Variants in LTBP1 observed in about 807,000 individuals in gnomAD.
LTBP1 encodes latent-transforming growth factor beta-binding protein 1.
Under a neutral mutation model 207.6 loss-of-function variants are expected in LTBP1, and 129 were observed. The observed-to-expected ratio is 0.62, with a 90% confidence interval of 0.54 to 0.72. The LOEUF is 0.72. LTBP1 is among the 30% of genes least tolerant of loss of function. The pLI is 0.00. For missense variants in LTBP1, 2,281 were observed against 2,217.2 expected, an observed-to-expected ratio of 1.03 and a Z score of -0.58; for synonymous variants, 963 against 833.7, an observed-to-expected ratio of 1.16 and a Z score of -2.67.
At chr2:33,306,569 CA>C (rs976065557) in intron 22 of LTBP1, among the ~76,000 whole-genome samples, 101 of 137,984 alleles carry the variant, frequency 7.3e-4, no homozygotes, top group Non-Finnish European at 1.2e-3. Flanking sequence ...AACTCAGTCT[CA>C]AAAAAAAAAA....
chr2:32,972,759 C>A (rs1681106200), intron 2 of LTBP1, among the ~76,000 whole-genome samples: 1 of 152,144 alleles, frequency 6.6e-6, no homozygotes, highest in African/African-American at 2.4e-5. Flanking sequence ...GTTTCCCCTG[C>A]ACACTTTCTC....
At chr2:33,109,584 A>G (rs1329113356) in intron 3 of LTBP1, among the ~76,000 whole-genome samples, 6 of 152,210 alleles carry the variant, frequency 3.9e-5, no homozygotes, top group African/African-American at 1.4e-4. Context: ...TTGGGCCAGG[A>G]GGGTTAGCAC....
At chr2:33,278,127 C>G (rs1035523050) in intron 18 of LTBP1, among the ~76,000 whole-genome samples, 4 of 151,688 alleles carry the variant, frequency 2.6e-5, no homozygotes, top group African/African-American at 7.3e-5. Context: ...CTACTGCACC[C>G]GGCCCAAATA....
chr2:33,016,614 T>C (rs1311330344), intron 2 of LTBP1, among the ~76,000 whole-genome samples: 1 of 152,086 alleles, frequency 6.6e-6, no homozygotes, highest in Admixed American at 6.6e-5. Flanking sequence ...AATCCACTGA[T>C]AAGATCTTGA....
intron 19 of LTBP1, among the ~76,000 whole-genome samples, chr2:33,281,580 A>T (rs1573595535): frequency 6.6e-6 from 1 of 151,976 alleles, no homozygotes; most frequent in Admixed American, 6.6e-5. Context: ...TTGCAGAAGT[A>T]CTCTCAGTTT....
chr2:33,191,545 A>C (rs759737930), intron 7 of LTBP1, among the ~76,000 whole-genome samples: 2 of 152,240 alleles, frequency 1.3e-5, no homozygotes, highest in Non-Finnish European at 2.9e-5. Flanking sequence ...TAATTTGTGC[A>C]ATTAGGGTGA....
intron 9 of LTBP1, 45 bp from the exon 10 acceptor site, chr2:33,243,617 A>T (rs2092410655): frequency 6.2e-7 from 1 of 1,602,720 alleles, no homozygotes; most frequent in South Asian, 1.1e-5. Flanking sequence ...GAATCTGCTC[A>T]ATGGGGCTTG....
chr2:33,224,558 G>A (rs1227304152), intron 9 of LTBP1, among the ~76,000 whole-genome samples: 1 of 152,066 alleles, frequency 6.6e-6, no homozygotes, highest in East Asian at 1.9e-4. Flanking sequence ...AAGACATTTG[G>A]TCCTGAAGTT....
rs1212498794 is a variant in LTBP1, at chr2:33,341,714, C to CAAA, written c.3731-1110_3731-1108dup. Among the ~76,000 whole-genome samples the CAAA allele has an allele frequency of 2.3e-3, 263 of 113,026 alleles. 4 individuals are homozygous for CAAA. Among genetic ancestry groups the CAAA allele is most frequent in the African/African-American group, 8.2e-3 (191 of 23,358 alleles). The allele number at this position is 113,026 out of a possible 152,430, so 74.1% of individuals were successfully genotyped here. ...CGACAGAGTGAGACTCCGTCTCACT[C>CAAA]AAAAAAAAAAAAAAAATATATATAT... is the stretch of plus-strand genomic sequence containing the variant. On this transcript the variant is annotated intron_variant, in intron 24 of 33. Coordinates refer to ENST00000404816, the MANE Select transcript of LTBP1 (RefSeq NM_206943.4).
At chr2:33,023,020 G>C (rs761538260) in intron 3 of LTBP1, among the ~76,000 whole-genome samples, 12 of 152,132 alleles carry the variant, frequency 7.9e-5, no homozygotes, top group Non-Finnish European at 1.2e-4. Flanking sequence ...TTCTCTAAAG[G>C]ATAGTAGTGC....
At chr2:33,056,593 G>A (rs2077012617) in intron 3 of LTBP1, 1 of 340,104 alleles carries the variant, frequency 2.9e-6, no homozygotes, top group African/African-American at 2.2e-5. Context: ...CTCGCAGTGA[G>A]TGTTATAGTT....
At chr2:33,209,443 A>G (rs956751414) in intron 7 of LTBP1, among the ~76,000 whole-genome samples, 6 of 152,282 alleles carry the variant, frequency 3.9e-5, no homozygotes, top group South Asian at 2.1e-4. Context: ...GATGTCCCCA[A>G]AGTGAAATCA....
In LTBP1 at chr2:33,354,723, CACACA is replaced by C. The variant is rs1466798107; in HGVS notation, c.4001-5873_4001-5869del. Among the ~76,000 whole-genome samples the C allele has an allele frequency of 8.6e-3, 1,176 of 137,490 alleles. 6 individuals are homozygous for C. The highest frequency in any genetic ancestry group is 0.023 in the African/African-American group (850 of 36,906). The allele number at this position is 137,490 out of a possible 152,430, so 90.2% of individuals were successfully genotyped here. A position where few individuals can be genotyped will look rare whatever the true frequency, so the allele number is the denominator to read the frequency against. On this transcript the variant is annotated intron_variant, in intron 26 of 33. Transcript: ENST00000404816. ...ACACACACACACACACACACACACACACACACCATTGTATCTTCATTTATTTTTAT... is the reference window on the plus strand; with the variant it reads ...ACACACACACACACACACACACACACCCATTGTATCTTCATTTATTTTTAT...
intron 7 of LTBP1, among the ~76,000 whole-genome samples, chr2:33,200,986 G>A (rs955009293): frequency 3.3e-5 from 5 of 152,322 alleles, no homozygotes; most frequent in African/African-American, 1.2e-4. Flanking sequence ...AACAGGTGCT[G>A]GAGAGGATGT....
At chr2:33,130,887 A>G (rs2081751346) in intron 4 of LTBP1, among the ~76,000 whole-genome samples, 1 of 152,106 alleles carries the variant, frequency 6.6e-6, no homozygotes, top group Admixed American at 6.5e-5. Context: ...AAGGGATCTA[A>G]AAATTGCATT....
intron 2 of LTBP1, among the ~76,000 whole-genome samples, chr2:32,958,082 G>A (rs1678381771): frequency 2.0e-5 from 3 of 152,198 alleles, no homozygotes; most frequent in Admixed American, 2.0e-4. Flanking sequence ...GTATGGCTCA[G>A]TGGTTGGAAG....
intron 2 of LTBP1, among the ~76,000 whole-genome samples, chr2:33,001,251 C>T (rs1686028335): frequency 7.4e-6 from 1 of 135,600 alleles, no homozygotes; most frequent in Non-Finnish European, 1.6e-5. Context: ...AATCATAGTA[C>T]CTCAAGACAG....
At chr2:33,031,261 G>T (rs534473479) in intron 3 of LTBP1, among the ~76,000 whole-genome samples, 17 of 152,226 alleles carry the variant, frequency 1.1e-4, no homozygotes, top group Non-Finnish European at 1.8e-4. Flanking sequence ...GACATAAATC[G>T]TAATATACTA....
intron 32 of LTBP1, among the ~76,000 whole-genome samples, chr2:33,390,519 C>T (rs919485857): frequency 7.9e-5 from 12 of 151,574 alleles, no homozygotes; most frequent in East Asian, 7.8e-4. Context: ...GATAGGGTCT[C>T]GCTCTGTTGC....
Sources: gnomAD v4.1 joint callset for allele counts (sites outside exome capture counted in the v4.1 genomes callset) on GRCh38, gnomAD v4.1.1 for gene constraint, MANE v1.5 for transcripts, NCBI Gene and HGNC (gene_info 2026-07-23, HGNC 2026-07-21) for gene names.